DDX10: variants seen among roughly 807,000 people sequenced by gnomAD.
DDX10 encodes the protein DEAD-box helicase 10.
DDX10 carries 74 observed loss-of-function variants against 104.3 expected under a neutral mutation model. That is an observed-to-expected ratio of 0.71 (90% CI 0.59 to 0.86). The LOEUF (loss-of-function observed/expected upper bound fraction) is 0.86, where lower values mean the gene tolerates loss of function less well. Among genes scored for constraint, DDX10 ranks in the 40% least tolerant of loss-of-function variants. The pLI, the probability that DDX10 is intolerant of heterozygous loss-of-function variation, is 0.00. For missense variants in DDX10, 952 were observed against 1,040.0 expected (o/e 0.92, Z 1.16); for synonymous variants, 351 against 353.4 (o/e 0.99, Z 0.08).
rs542328574 is a variant in DDX10, at chr11:108,887,953, CTT to C, written c.2305-29915_2305-29914del. Among the ~76,000 whole-genome samples, 24 of 69,290 alleles carry C rather than the reference CTT, an allele frequency of 3.5e-4. No individual in the cohort carries two copies. In the East Asian group the frequency reaches 5.2e-3, roughly 15 times the overall value. The allele number at this position is 69,290 out of a possible 152,430, so 45.5% of individuals were successfully genotyped here. ...AAAAGAAAAAAGAAAAGAAATACAG[CTT>C]TTTTCCCCCCCACTTTCTAGTTACT... On this transcript the variant is annotated intron_variant, in intron 16 of 17. Transcript: ENST00000322536.
intron 9 of DDX10, among the ~76,000 whole-genome samples, chr11:108,698,454 T>C (rs577703682): frequency 6.6e-6 from 1 of 152,314 alleles, no homozygotes; most frequent in African/African-American, 2.4e-5. Flanking sequence ...CTTTTGTTGG[T>C]ATCTATGATT....
At chr11:108,699,425 CATTCATTCTCAGATTT>C (rs2094264367) in intron 9 of DDX10, among the ~76,000 whole-genome samples, 1 of 152,142 alleles carries the variant, frequency 6.6e-6, no homozygotes, top group African/African-American at 2.4e-5. Context: ...GCTAGGGTTG[CATTCATTCTCAGATTT>C]ATTCACATGG....
intron 16 of DDX10, among the ~76,000 whole-genome samples, chr11:108,906,408 G>C (rs1863596923): frequency 6.6e-6 from 1 of 152,172 alleles, no homozygotes; most frequent in African/African-American, 2.4e-5. Context: ...TTCCCAGTGT[G>C]CACACATGGG....
rs115244809 is a variant in DDX10 at position 108,908,838 on chromosome 11, A to G, written c.2305-9035A>G. Reference sequence around the variant, plus strand: ...GCCAGGTACTCTAAGTGCTTTACCTATGTTGTTTCATTTCACCTGCACAGT... The same window carrying G: ...GCCAGGTACTCTAAGTGCTTTACCTGTGTTGTTTCATTTCACCTGCACAGT... On this transcript the variant is annotated intron_variant, in intron 16 of 17. Transcript: ENST00000322536. Among the ~76,000 whole-genome samples, 384 of 152,310 alleles carry G rather than the reference A, an allele frequency of 2.5e-3. 1 individual carries two copies. The highest frequency in any genetic ancestry group is 8.9e-3 in the African/African-American group (368 of 41,572).
At chr11:108,914,589 A>T (rs1863720926) in intron 16 of DDX10, among the ~76,000 whole-genome samples, 1 of 152,190 alleles carries the variant, frequency 6.6e-6, no homozygotes. Context: ...AGGAAACATG[A>T]TAGAATCTAG....
At chr11:108,914,428 T>C (rs961705011) in intron 16 of DDX10, among the ~76,000 whole-genome samples, 2 of 152,102 alleles carry the variant, frequency 1.3e-5, no homozygotes, top group African/African-American at 4.8e-5. Context: ...CTTGGCTAAG[T>C]ACCACATTGT....
At chr11:108,732,511 G>A (rs138619640) in intron 13 of DDX10, among the ~76,000 whole-genome samples, 8 of 152,310 alleles carry the variant, frequency 5.3e-5, no homozygotes, top group East Asian at 3.9e-4. Context: ...AGACTTCGGC[G>A]TAAATGGAGA....
intron 9 of DDX10, among the ~76,000 whole-genome samples, chr11:108,698,331 T>C (rs1237560296): frequency 6.6e-6 from 1 of 152,256 alleles, no homozygotes; most frequent in African/African-American, 2.4e-5. Context: ...AGATATAAGA[T>C]AGGAGCAATC....
rs141530263 is a variant in DDX10 at position 108,693,527 on chromosome 11, G to A, written c.1150G>A (p.Val384Met). 7.7e-5 allele frequency: 125 copies of A among 1,613,926 alleles called. No homozygotes were observed. The highest frequency in any genetic ancestry group is 9.9e-5 in the Non-Finnish European group (117 of 1,179,828). Residue 384 changes from valine to methionine, a missense_variant, in exon 9 of 18, where the codon GTG becomes ATG. Physicochemically the swap from Val to Met is conservative, Grantham distance 21. Coordinates refer to ENST00000322536, the MANE Select transcript of DDX10 (RefSeq NM_004398.4). Reference sequence around the variant, plus strand: ...TCCCTTCTCTGTAGATTTCCCGGCCGTGAATTGGGTTCTTCAGTTTGATTG... The same window carrying A: ...TCCCTTCTCTGTAGATTTCCCGGCCATGAATTGGGTTCTTCAGTTTGATTG... ...IAARGLDFPA[V>M]NWVLQFDCPE...
intron 17 of DDX10, among the ~76,000 whole-genome samples, chr11:108,924,713 T>A (rs1863885860): frequency 6.6e-6 from 1 of 152,236 alleles, no homozygotes; most frequent in Non-Finnish European, 1.5e-5. Context: ...TAAATAAGTT[T>A]TGCTCAGTAC....
At chr11:108,714,556 C>T (rs1364979310) in intron 10 of DDX10, among the ~76,000 whole-genome samples, 3 of 146,104 alleles carry the variant, frequency 2.1e-5, no homozygotes, top group East Asian at 2.0e-4. Context: ...AAGTCTTAAA[C>T]GGCCTTTTCT....
chr11:108,895,014 G>A (rs1256014966), intron 16 of DDX10, among the ~76,000 whole-genome samples: 1 of 151,714 alleles, frequency 6.6e-6, no homozygotes, highest in Non-Finnish European at 1.5e-5. Context: ...TAACTACTTT[G>A]GACAATTTCA....
chr11:108,846,820 A>AACCAG (rs71476032), intron 15 of DDX10, among the ~76,000 whole-genome samples: 102,056 of 149,882 alleles, frequency 0.68, 35,385 homozygotes, highest in South Asian at 0.76. Flanking sequence ...TTAGAGTACA[A>AACCAG]ACCAGACCAG....
At chr11:108,720,548 T>C (rs947834505) in intron 12 of DDX10, among the ~76,000 whole-genome samples, 2 of 152,188 alleles carry the variant, frequency 1.3e-5, no homozygotes, top group Non-Finnish European at 2.9e-5. Context: ...GTTACTATTG[T>C]ATGAAACAGA....
intron 17 of DDX10, among the ~76,000 whole-genome samples, chr11:108,924,003 G>C (rs905943408): frequency 6.6e-6 from 1 of 151,976 alleles, no homozygotes; most frequent in Non-Finnish European, 1.5e-5. Flanking sequence ...ACTTGATTCT[G>C]AGCATATAAG....
rs1354490828 is a variant in DDX10, at chr11:108,688,869, T to G, written c.849-67T>G. 7 of 1,542,490 alleles carry G rather than the reference T, an allele frequency of 4.5e-6. No homozygotes were observed. The East Asian group carries it at 1.6e-4, about 35-fold the overall frequency. ...TGCCACTATTAAAACTTGTTTCCTT[T>G]TTTGGTCTGGATTTCAGTTACTTAC... On this transcript the variant is annotated intron_variant, in intron 6 of 17. Transcript: ENST00000322536.
At position 108,838,685 on chromosome 11, in the gene DDX10, A is replaced by G. The variant is rs532989262; in HGVS notation, c.2085+120A>G. 5.2e-4 allele frequency: 602 copies of G among 1,162,340 alleles called. 1 individual carries two copies. Among genetic ancestry groups the G allele is most frequent in the African/African-American group, 1.6e-3 (103 of 64,170 alleles). The allele number at this position is 1,162,340 out of a possible 1,614,324, so 72.0% of individuals were successfully genotyped here. A position where few individuals can be genotyped will look rare whatever the true frequency, so the allele number is the denominator to read the frequency against. On this transcript the variant is annotated intron_variant, in intron 14 of 17. Coordinates refer to ENST00000322536, the MANE Select transcript of DDX10 (RefSeq NM_004398.4). ...ATGTTTCTCTACAGCATGCTGGGCC[A>G]TTCCTTTCACTGTTACTGTAGGCTG... is the stretch of plus-strand genomic sequence containing the variant.
chr11:108,760,745 G>A (rs61914040), intron 13 of DDX10, among the ~76,000 whole-genome samples: 7,519 of 138,468 alleles, frequency 0.054, 227 homozygotes, highest in Non-Finnish European at 0.079. Context: ...TCCTGTTTTT[G>A]TATCTCAATA....
chr11:108,910,680 A>G (rs538372837), intron 16 of DDX10, among the ~76,000 whole-genome samples: 68 of 151,906 alleles, frequency 4.5e-4, no homozygotes, highest in African/African-American at 1.6e-3. Context: ...TCATGTGGGT[A>G]AAATACTCCC....
Sources: allele counts gnomAD v4.1 joint callset (sites outside exome capture counted in the v4.1 genomes callset), GRCh38; gene constraint gnomAD v4.1.1; transcripts MANE v1.5; gene names NCBI Gene and HGNC (gene_info 2026-07-23, HGNC 2026-07-21).